The following NUP155 variants were observed in gnomAD, a reference collection of about 807,000 sequenced individuals.
NUP155 encodes nucleoporin 155.
Under a neutral mutation model 180.4 loss-of-function variants are expected in NUP155, and 71 were observed. The observed-to-expected ratio is 0.39, with a 90% CI of 0.33 to 0.48. NUP155 has a LOEUF of 0.48. Among genes scored for constraint, NUP155 ranks in the 20% least tolerant of loss-of-function variants. The pLI is 0.91. For synonymous variants in NUP155, 582 were observed against 559.5 expected (o/e 1.04, Z -0.57); for missense variants, 1,553 against 1,648.9 (o/e 0.94, Z 1.01).
At chr5:37,357,423 A>G (rs1746903525) in intron 4 of NUP155, among the ~76,000 whole-genome samples, 1 of 150,838 alleles carries the variant, frequency 6.6e-6, no homozygotes, top group South Asian at 2.1e-4. Flanking sequence ...AAAAAAAAAA[A>G]AAAGAGAAAG....
chr5:37,309,065 A>T, intron 24 of NUP155, 64 bp downstream of exon 24: 1 of 1,554,106 alleles, frequency 6.4e-7, no homozygotes. Context: ...AGCTTGCTTC[A>T]TTCATACACT....
In NUP155 at chr5:37,288,779, T is replaced by TGGGGGGGGGGGG. The variant is rs1303278690; in HGVS notation, c.*3120_*3121insCCCCCCCCCCCC. ...AAAAAAAAAAAAAAAGTAGGGGGGG[T>TGGGGGGGGGGGG]GGGGCTAGGCGCAGTGGCTCATGCC... On this transcript the variant is annotated 3_prime_UTR_variant, in exon 35 of 35. Transcript: ENST00000231498. 1 of 45,688 alleles carries TGGGGGGGGGGGG rather than the reference T, an allele frequency of 2.2e-5. No individual in the cohort carries two copies. Among genetic ancestry groups the TGGGGGGGGGGGG allele is most frequent in the African/African-American group, 6.6e-5 (1 of 15,158 alleles). 2.8% of individuals were successfully genotyped at this position (45,688 alleles called of 1,614,324 possible). A position where few individuals can be genotyped will look rare whatever the true frequency, so the allele number is the denominator to read the frequency against.
At chr5:37,330,570 G>A (rs1360376582) in intron 14 of NUP155, among the ~76,000 whole-genome samples, 1 of 152,134 alleles carries the variant, frequency 6.6e-6, no homozygotes, top group Non-Finnish European at 1.5e-5. Flanking sequence ...TACCTCAGTG[G>A]TGGAGCTGGG....
intron 4 of NUP155, among the ~76,000 whole-genome samples, chr5:37,355,573 G>A (rs200364934): frequency 0.19 from 28,481 of 146,498 alleles, 3,146 homozygotes; most frequent in African/African-American, 0.3. Flanking sequence ...TTATTTATTT[G>A]TTTGTTTGTT....
intron 9 of NUP155, among the ~76,000 whole-genome samples, chr5:37,346,543 G>C (rs776158081): frequency 2.6e-5 from 4 of 151,958 alleles, no homozygotes; most frequent in Non-Finnish European, 5.9e-5. Context: ...GTGGTGACAG[G>C]CGCCTGTAAT....
intron 18 of NUP155, among the ~76,000 whole-genome samples, 162 bp downstream of exon 18, chr5:37,327,467 A>G (rs1369063626): frequency 1.3e-5 from 2 of 152,232 alleles, no homozygotes; most frequent in Admixed American, 1.3e-4. Context: ...ATATAGTTAG[A>G]TAACAAAAAC....
In NUP155 at chr5:37,337,891, T is replaced by G. The variant is rs1745442917; in HGVS notation, c.1274A>C (p.Asn425Thr). 6.2e-7 allele frequency: 1 copy of G among 1,608,948 alleles called. No homozygotes were observed. Among genetic ancestry groups the G allele is most frequent in the Admixed American group, 1.7e-5 (1 of 59,688 alleles). Residue 425 changes from asparagine (N) to threonine (T), a missense_variant, in exon 12 of 35, where the codon AAT becomes ACT. Physicochemically the swap from Asn to Thr is moderately conservative, Grantham distance 65. Coordinates refer to ENST00000231498, the MANE Select transcript of NUP155 (RefSeq NM_153485.3). ...ACACCATAAAATATCATTATCCTCATTTTCTGAGGCTGCCATCAATAGAAT... is the reference window on the plus strand; with the variant it reads ...ACACCATAAAATATCATTATCCTCAGTTTCTGAGGCTGCCATCAATAGAAT... ...KGILLMAASE[N>T]EDNDILWCVN...
rs143140718 is a variant in NUP155, at chr5:37,314,970, G to C, written c.2306-642C>G. On this transcript the variant is annotated intron_variant, in intron 21 of 34. Coordinates refer to ENST00000231498, the MANE Select transcript of NUP155 (RefSeq NM_153485.3). ...CTACTGGCCAGGCGTGGTGGCTCAC[G>C]CAAGTAATCCCAGCACTTTGGGAGG... 1.1e-3 allele frequency among the ~76,000 whole-genome samples: 174 copies of C among 152,298 alleles called. 3 individuals are homozygous for C. The highest frequency in any genetic ancestry group is 9.0e-3 in the Admixed American group (137 of 15,290).
At position 37,337,713 on chromosome 5, in the gene NUP155, T is replaced by C. The variant is rs1745424860; in HGVS notation, c.1347+105A>G. 5.8e-6 allele frequency: 4 copies of C among 683,930 alleles called. No individual in the cohort carries two copies. In the East Asian group the frequency reaches 1.1e-4, roughly 19 times the overall value. The allele number at this position is 683,930 out of a possible 1,614,324, so 42.4% of individuals were successfully genotyped here. On this transcript the variant is annotated intron_variant, in intron 12 of 34. Transcript: ENST00000231498. ...TTACTTTATAATTTCTAATAATACGTTATTAGAAGCAAACAGCAATACATC... is the reference window on the plus strand; with the variant it reads ...TTACTTTATAATTTCTAATAATACGCTATTAGAAGCAAACAGCAATACATC...
intron 5 of NUP155, among the ~76,000 whole-genome samples, chr5:37,351,792 T>C (rs1268996309): frequency 2.6e-5 from 4 of 151,818 alleles, no homozygotes; most frequent in East Asian, 1.9e-4. Context: ...ACAGCTTCTA[T>C]AATATACATT....
intron 27 of NUP155, 91 bp from the exon 28 acceptor site, chr5:37,303,505 C>G: frequency 9.2e-7 from 1 of 1,088,132 alleles, no homozygotes; most frequent in Non-Finnish European, 1.4e-6. Flanking sequence ...AAGTCAACTA[C>G]AACTTTGCCT....
intron 9 of NUP155, among the ~76,000 whole-genome samples, chr5:37,342,897 C>T (rs1381842322): frequency 4.6e-5 from 7 of 151,544 alleles, no homozygotes; most frequent in Non-Finnish European, 4.4e-5. Context: ...CCAGCACGCC[C>T]AGGTAATTTT....
rs747162889 is a variant in NUP155 at position 37,314,234 on chromosome 5, T to C, written c.2400A>G (p.Glu800=). Residue 800 remains glutamate, a synonymous_variant, in exon 22 of 35, where the codon GAA becomes GAG. Transcript: ENST00000231498. The stretch of plus-strand genomic sequence containing the variant: ...CTGCCACAATGATAGTGAATTGATG[T>C]TCACAAAGAAGTTTCCATAAAGCCA... ...QALALWKLLC[E]HQFTIIVAEL... is the part of the protein sequence containing the mutation. 1.3e-5 allele frequency: 21 copies of C among 1,610,712 alleles called. 1 individual carries two copies. The South Asian group carries it at 1.9e-4, about 14-fold the overall frequency.
chr5:37,327,863 C>G, intron 17 of NUP155, 87 bp from the exon 18 acceptor site: 1 of 1,450,046 alleles, frequency 6.9e-7, no homozygotes, highest in Non-Finnish European at 9.6e-7. Flanking sequence ...ACCCATAAAT[C>G]TCTTAATCTT....
intron 14 of NUP155, among the ~76,000 whole-genome samples, chr5:37,330,383 A>G (rs775324883): frequency 3.3e-5 from 5 of 152,206 alleles, no homozygotes; most frequent in Non-Finnish European, 7.3e-5. Context: ...TTTCCGGCTT[A>G]TGTCTCCAAT....
intron 28 of NUP155, among the ~76,000 whole-genome samples, 161 bp downstream of exon 28, chr5:37,303,099 C>T (rs1212320664): frequency 6.6e-6 from 1 of 151,886 alleles, no homozygotes; most frequent in Non-Finnish European, 1.5e-5. Context: ...TTTTAGACAA[C>T]ACATAAAGAA....
At position 37,305,126 on chromosome 5, in the gene NUP155, G is replaced by A; in HGVS notation, c.2988C>T (p.Pro996=). The change falls in exon 26 of 35, where the codon CCC becomes CCT. Residue 996 remains proline (P), a synonymous_variant. Transcript: ENST00000231498. ...ACAACACTGGAGGACCAGGTTTTTT[G>A]GGTACACTGGGAGACTGAGGAGCGG... is the stretch of plus-strand genomic sequence containing the variant. ...SKAAPQSPSV[P]KKPGPPVLSS... The A allele has an allele frequency of 6.2e-7, 1 of 1,613,964 alleles. No homozygotes were observed. The highest frequency in any genetic ancestry group is 2.2e-5 in the East Asian group (1 of 44,878).
At position 37,341,184 on chromosome 5, in the gene NUP155, T is replaced by C; in HGVS notation, c.1152A>G (p.Thr384=). 2 of 1,613,970 alleles carry C rather than the reference T, an allele frequency of 1.2e-6. No individual in the cohort carries two copies. The highest frequency in any genetic ancestry group is 1.7e-6 in the Non-Finnish European group (2 of 1,179,830). ...GTAAGCGGACATGAACCAGCGTCAG[T>C]GTATTAGGCCGTGCTAATGGCTGTC... ...PFRQPLARPN[T]LTLVHVRLPP... The change falls in exon 11 of 35, where the codon ACA becomes ACG. Residue 384 remains threonine, a synonymous_variant. Transcript: ENST00000231498.
chr5:37,354,236 T>A (rs918488276), intron 4 of NUP155, among the ~76,000 whole-genome samples: 1 of 151,948 alleles, frequency 6.6e-6, no homozygotes, highest in Non-Finnish European at 1.5e-5. Flanking sequence ...AACCTCTGCC[T>A]CCCGGGTTCA....
Sources: gnomAD v4.1 joint callset for allele counts (sites outside exome capture counted in the v4.1 genomes callset) on GRCh38, gnomAD v4.1.1 for gene constraint, MANE v1.5 for transcripts, NCBI Gene and HGNC (gene_info 2026-07-23, HGNC 2026-07-21) for gene names.